Variants in DTNB observed in about 807,000 individuals in gnomAD.
DTNB encodes the protein dystrobrevin beta, also known as DTN-B.
DTNB carries 63 observed loss-of-function variants against 90.7 expected under a neutral mutation model. The ratio of observed to expected loss-of-function variants is 0.69; its 90% CI spans 0.57 to 0.86. DTNB has a LOEUF of 0.86. Ranked by LOEUF, DTNB falls within the 40% of genes least tolerant of loss-of-function variation. The pLI is 0.00. For synonymous variants in DTNB, 277 were observed against 286.7 expected, an observed-to-expected ratio of 0.97 and a Z score of 0.34; for missense variants, 744 against 807.1, an observed-to-expected ratio of 0.92 and a Z score of 0.95.
At chr2:25,569,560 G>A (rs1397043097) in intron 8 of DTNB, among the ~76,000 whole-genome samples, 1 of 152,056 alleles carries the variant, frequency 6.6e-6, no homozygotes, top group African/African-American at 2.4e-5. Flanking sequence ...ACACTCCGCA[G>A]AGAGCACGAA....
intron 9 of DTNB, among the ~76,000 whole-genome samples, chr2:25,484,745 T>C (rs2065782147): frequency 6.6e-6 from 1 of 152,240 alleles, no homozygotes; most frequent in South Asian, 2.1e-4. Context: ...GTAAGACATT[T>C]AGAATTGAAA....
intron 16 of DTNB, among the ~76,000 whole-genome samples, chr2:25,397,033 C>A (rs1330095240): frequency 6.6e-6 from 1 of 151,612 alleles, no homozygotes; most frequent in Non-Finnish European, 1.5e-5. Context: ...CAAATACCAC[C>A]CCCACACCCC....
chr2:25,482,156 G>GC (rs1302239884), intron 10 of DTNB, among the ~76,000 whole-genome samples: 3 of 152,172 alleles, frequency 2.0e-5, no homozygotes, highest in Non-Finnish European at 2.9e-5. Flanking sequence ...TCATGGAACA[G>GC]CTTATACCAA....
intron 9 of DTNB, among the ~76,000 whole-genome samples, chr2:25,518,575 C>T (rs2075576367): frequency 7.5e-6 from 1 of 133,484 alleles, no homozygotes; most frequent in South Asian, 2.4e-4. Flanking sequence ...TCCCTCACCC[C>T]AACACACACA....
chr2:25,526,395 A>ATATTTT, intron 9 of DTNB, among the ~76,000 whole-genome samples: 11 of 49,824 alleles, frequency 2.2e-4, no homozygotes, highest in East Asian at 7.6e-4. Context: ...ATATATATAT[A>ATATTTT]TTTTTTTTTT....
At chr2:25,439,460 C>A in intron 12 of DTNB, among the ~76,000 whole-genome samples, 1 of 152,144 alleles carries the variant, frequency 6.6e-6, no homozygotes, top group East Asian at 1.9e-4. Context: ...TGAGATCACA[C>A]CACTGCACTC....
intron 9 of DTNB, among the ~76,000 whole-genome samples, chr2:25,501,785 G>C (rs1181034439): frequency 6.6e-6 from 1 of 152,178 alleles, no homozygotes; most frequent in African/African-American, 2.4e-5. Flanking sequence ...TTTAAGGCAT[G>C]AGTCTTCAGA....
chr2:25,550,419 A>C (rs2083409108), intron 8 of DTNB, among the ~76,000 whole-genome samples: 1 of 151,870 alleles, frequency 6.6e-6, no homozygotes, highest in South Asian at 2.1e-4. Context: ...AAAACAAACA[A>C]ACAAAAAAAA....
At chr2:25,586,655 G>C (rs1372760939) in intron 6 of DTNB, among the ~76,000 whole-genome samples, 1 of 152,086 alleles carries the variant, frequency 6.6e-6, no homozygotes, top group African/African-American at 2.4e-5. Context: ...TGAGCTGTAG[G>C]TAACATGTCA....
At chr2:25,508,502 TG>T (rs1444785290) in intron 9 of DTNB, among the ~76,000 whole-genome samples, 9 of 150,860 alleles carry the variant, frequency 6.0e-5, no homozygotes, top group East Asian at 1.9e-4. Context: ...CTTTTTTGTT[TG>T]TTTTTTTTTT....
chr2:25,631,727 T>C (rs1223890317), intron 3 of DTNB, among the ~76,000 whole-genome samples: 2 of 152,162 alleles, frequency 1.3e-5, no homozygotes, highest in African/African-American at 4.8e-5. Flanking sequence ...TGGGAGATAT[T>C]AACTCACCTC....
chr2:25,633,291 G>A (rs959832560), intron 3 of DTNB, among the ~76,000 whole-genome samples: 12 of 150,458 alleles, frequency 8.0e-5, no homozygotes, highest in African/African-American at 2.7e-4. Context: ...AGCCTGCCCA[G>A]CGCCTGCCAT....
intron 19 of DTNB, chr2:25,379,774 T>G (rs1316254979): frequency 1.3e-5 from 2 of 159,980 alleles, no homozygotes; most frequent in African/African-American, 4.8e-5. Flanking sequence ...TTCTGTTCTC[T>G]GAGGGCCATT....
At chr2:25,547,063 G>T (rs1317580249) in intron 8 of DTNB, among the ~76,000 whole-genome samples, 2 of 152,014 alleles carry the variant, frequency 1.3e-5, no homozygotes, top group African/African-American at 4.8e-5. Context: ...TGCCCAGGCT[G>T]GTCTTAAACT....
intron 15 of DTNB, among the ~76,000 whole-genome samples, chr2:25,423,180 G>C (rs1211287784): frequency 6.6e-6 from 1 of 151,884 alleles, no homozygotes; most frequent in Non-Finnish European, 1.5e-5. Flanking sequence ...CTGGGCAACA[G>C]AGTGAGACTC....
chr2:25,503,335 A>T (rs1362026988), intron 9 of DTNB, among the ~76,000 whole-genome samples: 3 of 151,924 alleles, frequency 2.0e-5, no homozygotes, highest in African/African-American at 4.8e-5. Context: ...CAAAAAAAAA[A>T]TTTTAAAAAT....
chr2:25,563,193 A>C (rs1041879206), intron 8 of DTNB, among the ~76,000 whole-genome samples: 1 of 152,208 alleles, frequency 6.6e-6, no homozygotes, highest in Admixed American at 6.5e-5. Context: ...TCATCGTGCA[A>C]ATCTGAAACT....
At chr2:25,563,673 TCC>T (rs1491351318) in intron 8 of DTNB, among the ~76,000 whole-genome samples, 1 of 135,848 alleles carries the variant, frequency 7.4e-6, no homozygotes, top group African/African-American at 3.1e-5. Context: ...CCTGTGAATA[TCC>T]AGTTGTTGTC....
At chr2:25,560,346 T>C (rs143747498) in intron 8 of DTNB, among the ~76,000 whole-genome samples, 15 of 152,330 alleles carry the variant, frequency 9.8e-5, no homozygotes, top group African/African-American at 3.4e-4. Context: ...TTTTAGGGTG[T>C]TTTGCATGAG....
Sources: gnomAD v4.1 joint callset for allele counts (sites outside exome capture counted in the v4.1 genomes callset) on GRCh38, gnomAD v4.1.1 for gene constraint, MANE v1.5 for transcripts, NCBI Gene and HGNC (gene_info 2026-07-23, HGNC 2026-07-21) for gene names.